The following IQCB1 variants were observed in gnomAD, a reference collection of about 807,000 sequenced individuals.
IQCB1 encodes IQ motif containing B1.
IQCB1 carries 56 observed loss-of-function variants against 84.4 expected under a neutral mutation model. That is an observed-to-expected ratio of 0.66 (90% confidence interval 0.54 to 0.83). IQCB1 has a LOEUF of 0.83. Ranked by LOEUF, IQCB1 falls within the 40% of genes least tolerant of loss-of-function variation. The pLI, the probability that IQCB1 is intolerant of heterozygous loss-of-function variation, is 0.00. For synonymous variants in IQCB1, 210 were observed against 234.8 expected (o/e 0.89, Z 0.96); for missense variants, 629 against 682.1 (o/e 0.92, Z 0.87).
At chr3:121,777,910 C>T (rs1017642077) in intron 13 of IQCB1, among the ~76,000 whole-genome samples, 67 of 141,796 alleles carry the variant, frequency 4.7e-4, no homozygotes, top group Non-Finnish European at 8.4e-4. Flanking sequence ...TTCTTGCCCA[C>T]TTTTTTTTTT....
At chr3:121,770,626 G>A in intron 14 of IQCB1, 52 bp from the exon 15 acceptor site, 4 of 1,402,996 alleles carry the variant, frequency 2.9e-6, no homozygotes, top group Non-Finnish European at 4.0e-6. Context: ...ATGCCAAGCA[G>A]GTAGGAACTT....
At chr3:121,777,462 AAATG>A (rs1378127940) in intron 13 of IQCB1, among the ~76,000 whole-genome samples, 1 of 152,236 alleles carries the variant, frequency 6.6e-6, no homozygotes, top group Non-Finnish European at 1.5e-5. Context: ...AAACATATAT[AAATG>A]TAGAAAATGT....
At chr3:121,829,928 CA>C (rs936627518) in intron 2 of IQCB1, among the ~76,000 whole-genome samples, 8 of 151,984 alleles carry the variant, frequency 5.3e-5, no homozygotes, top group African/African-American at 1.9e-4. Flanking sequence ...TGAATAAGGC[CA>C]GGGGCAGTGG....
In IQCB1 at chr3:121,828,984, C is replaced by A; in HGVS notation, c.-12-12G>T. 7.1e-7 allele frequency: 1 copy of A among 1,411,400 alleles called. No individual in the cohort carries two copies. The highest frequency in any genetic ancestry group is 2.3e-5 in the East Asian group (1 of 43,840). The allele number at this position is 1,411,400 out of a possible 1,614,324, so 87.4% of individuals were successfully genotyped here. A position where few individuals can be genotyped will look rare whatever the true frequency, so the allele number is the denominator to read the frequency against. Reference sequence around the variant, plus strand: ...ATTTCTCTTATTACCTATATTTTAACAGAATCAGAGAATAAAGGTCAAAAA... The same window carrying A: ...ATTTCTCTTATTACCTATATTTTAAAAGAATCAGAGAATAAAGGTCAAAAA... On this transcript the variant is annotated splice_polypyrimidine_tract_variant and intron_variant, in intron 2 of 14. Transcript: ENST00000310864.
chr3:121,804,795 A>G (rs1296702043), intron 7 of IQCB1, among the ~76,000 whole-genome samples: 3 of 152,102 alleles, frequency 2.0e-5, no homozygotes, highest in African/African-American at 7.2e-5. Context: ...TTACTTCTTC[A>G]CACATTTTTT....
chr3:121,824,505 G>A lies in IQCB1; in HGVS notation c.393+1546C>T, dbSNP rs550796780. On this transcript the variant is annotated intron_variant, in intron 5 of 14. Transcript: ENST00000310864. ...TGTATCATGTAAACACTAATCATAA[G>A]AAAACTGGAGTGGCAATATTCGTAA... Among the ~76,000 whole-genome samples the A allele has an allele frequency of 5.9e-5, 9 of 151,292 alleles. No individual in the cohort carries two copies. The South Asian group carries it at 1.7e-3, about 28-fold the overall frequency.
At chr3:121,824,581 C>T (rs1022756639) in intron 5 of IQCB1, among the ~76,000 whole-genome samples, 3 of 147,818 alleles carry the variant, frequency 2.0e-5, no homozygotes, top group Non-Finnish European at 3.0e-5. Context: ...AGATAAATAT[C>T]ATTTCATGTG....
At chr3:121,782,224 T>C (rs1948527184) in intron 12 of IQCB1, among the ~76,000 whole-genome samples, 1 of 152,124 alleles carries the variant, frequency 6.6e-6, no homozygotes, top group Non-Finnish European at 1.5e-5. Context: ...AAAAAAGGGT[T>C]CTTAATTCTA....
At chr3:121,776,030 TGA>T (rs1948210727) in intron 13 of IQCB1, among the ~76,000 whole-genome samples, 1 of 149,474 alleles carries the variant, frequency 6.7e-6, no homozygotes, top group African/African-American at 2.5e-5. Flanking sequence ...ATAATTATTT[TGA>T]GATTCATCCA....
In IQCB1 at chr3:121,790,117, A is replaced by G. The variant is rs1948903133; in HGVS notation, c.1085T>C (p.Leu362Pro). ...LQLQRQRAMR[L>P]SRELQLSMLE... ...CATACTCAGCTGCAATTCTCGGGAAAGTCTCATGGCTCTCTGTCTTTGAAG... is the reference window on the plus strand; with the variant it reads ...CATACTCAGCTGCAATTCTCGGGAAGGTCTCATGGCTCTCTGTCTTTGAAG... Residue 362 changes from leucine to proline, a missense_variant, in exon 11 of 15, where the codon CTT (leucine) becomes CCT (proline). Physicochemically the swap from Leu to Pro is moderately conservative, Grantham distance 98. Transcript: ENST00000310864. 6.2e-7 allele frequency: 1 copy of G among 1,613,696 alleles called. No individual in the cohort carries two copies. The highest frequency in any genetic ancestry group is 8.5e-7 in the Non-Finnish European group (1 of 1,179,738).
intron 5 of IQCB1, among the ~76,000 whole-genome samples, chr3:121,816,583 C>A (rs757957025): frequency 2.7e-5 from 4 of 150,790 alleles, no homozygotes; most frequent in Non-Finnish European, 4.5e-5. Context: ...AGAAAAAAAA[C>A]CATCAAAAAG....
At chr3:121,829,570 A>G (rs1950563187) in intron 2 of IQCB1, among the ~76,000 whole-genome samples, 1 of 152,206 alleles carries the variant, frequency 6.6e-6, no homozygotes, top group African/African-American at 2.4e-5. Flanking sequence ...GAGGGTGCCT[A>G]TGTGGCCATC....
intron 5 of IQCB1, among the ~76,000 whole-genome samples, chr3:121,817,265 G>A (rs1950102345): frequency 2.0e-5 from 3 of 152,088 alleles, no homozygotes; most frequent in Admixed American, 6.5e-5. Context: ...TCAGGGGGTA[G>A]GGAGCAAGGG....
intron 7 of IQCB1, among the ~76,000 whole-genome samples, chr3:121,802,954 A>C (rs1345842741): frequency 1.3e-5 from 2 of 152,054 alleles, no homozygotes; most frequent in Non-Finnish European, 1.5e-5. Flanking sequence ...ATTATTTCCC[A>C]CATATTTGGG....
intron 5 of IQCB1, among the ~76,000 whole-genome samples, chr3:121,820,283 G>A (rs1018761650): frequency 1.3e-5 from 2 of 151,958 alleles, no homozygotes; most frequent in African/African-American, 2.4e-5. Context: ...TCATCTCTTC[G>A]AGATGACAAA....
At chr3:121,798,244 A>G (rs1949276278) in intron 8 of IQCB1, among the ~76,000 whole-genome samples, 1 of 151,926 alleles carries the variant, frequency 6.6e-6, no homozygotes, top group Admixed American at 6.6e-5. Context: ...CATTATTACA[A>G]TGTCTTCAAA....
intron 13 of IQCB1, among the ~76,000 whole-genome samples, chr3:121,777,010 A>AGC (rs901112635): frequency 6.6e-6 from 1 of 152,226 alleles, no homozygotes; most frequent in African/African-American, 2.4e-5. Flanking sequence ...AAGCCAATAT[A>AGC]TCAAATTTTC....
At chr3:121,796,432 G>A (rs976157630) in intron 9 of IQCB1, among the ~76,000 whole-genome samples, 20 of 151,892 alleles carry the variant, frequency 1.3e-4, no homozygotes, top group African/African-American at 4.8e-4. Flanking sequence ...TCTTTATCTG[G>A]AAATCAGAAA....
chr3:121,801,229 G>A (rs1949393999), intron 7 of IQCB1, among the ~76,000 whole-genome samples: 1 of 151,938 alleles, frequency 6.6e-6, no homozygotes, highest in Non-Finnish European at 1.5e-5. Context: ...TTGTAAATCT[G>A]TAACTCTAGT....
Sources: allele counts gnomAD v4.1 joint callset (sites outside exome capture counted in the v4.1 genomes callset), GRCh38; gene constraint gnomAD v4.1.1; transcripts MANE v1.5; gene names NCBI Gene and HGNC (gene_info 2026-07-23, HGNC 2026-07-21).